The following DEPTOR variants were observed in gnomAD, a reference collection of about 807,000 sequenced individuals.
DEPTOR encodes the protein DEP domain-containing mTOR-interacting protein.
DEPTOR carries 41 observed loss-of-function variants against 41.6 expected under a neutral mutation model. That is an observed-to-expected ratio of 0.98 (90% confidence interval 0.77 to 1.28). The LOEUF is 1.28. Ranked by LOEUF, DEPTOR falls within the 50% of genes most tolerant of loss-of-function variation. DEPTOR has a pLI of 0.00. For missense variants in DEPTOR, 514 were observed against 527.9 expected, an observed-to-expected ratio of 0.97 and a Z score of 0.26; for synonymous variants, 195 against 192.3, an observed-to-expected ratio of 1.01 and a Z score of -0.12.
chr8:119,885,456 C>T (rs1827352029), intron 1 of DEPTOR, among the ~76,000 whole-genome samples: 3 of 152,132 alleles, frequency 2.0e-5, no homozygotes, highest in Admixed American at 2.0e-4. Flanking sequence ...CATTTTCCCT[C>T]ACATTGCCAA....
chr8:119,889,451 G>T (rs953522036), intron 1 of DEPTOR, among the ~76,000 whole-genome samples: 4 of 151,114 alleles, frequency 2.6e-5, no homozygotes, highest in African/African-American at 9.8e-5. Context: ...GGAGGCTAAG[G>T]TGGGAGGATC....
chr8:119,896,698 A>G (rs917776573), intron 1 of DEPTOR, among the ~76,000 whole-genome samples: 2 of 151,976 alleles, frequency 1.3e-5, no homozygotes, highest in Admixed American at 6.6e-5. Context: ...AGGTTTCATC[A>G]TGTTGGCCAG....
intron 8 of DEPTOR, among the ~76,000 whole-genome samples, chr8:120,036,969 C>G (rs1376881567): frequency 6.6e-6 from 1 of 152,162 alleles, no homozygotes; most frequent in African/African-American, 2.4e-5. Flanking sequence ...CTCTCTCATA[C>G]CTTGTGTTGG....
chr8:119,987,107 G>A (rs1357168233), intron 4 of DEPTOR, among the ~76,000 whole-genome samples: 1 of 151,898 alleles, frequency 6.6e-6, no homozygotes, highest in Non-Finnish European at 1.5e-5. Flanking sequence ...GAGGAGAAGG[G>A]GCATTCTGGT....
chr8:119,948,880 C>G (rs1375499547), intron 3 of DEPTOR, among the ~76,000 whole-genome samples: 1 of 152,116 alleles, frequency 6.6e-6, no homozygotes, highest in Non-Finnish European at 1.5e-5. Context: ...CTCCACCTCC[C>G]AGGTTCAAGC....
chr8:119,906,640 C>T (rs1292707255), intron 1 of DEPTOR, among the ~76,000 whole-genome samples: 3 of 152,156 alleles, frequency 2.0e-5, no homozygotes, highest in Non-Finnish European at 2.9e-5. Flanking sequence ...CATTACTAGG[C>T]ACCCAATAAA....
chr8:119,962,681 A>C (rs1457988432), intron 3 of DEPTOR, among the ~76,000 whole-genome samples: 1 of 152,220 alleles, frequency 6.6e-6, no homozygotes, highest in Non-Finnish European at 1.5e-5. Context: ...AAGATAATTT[A>C]ATAGCTATGT....
chr8:119,988,980 T>TTTTTTTTTTTA (rs1828865861), intron 4 of DEPTOR, among the ~76,000 whole-genome samples: 1 of 134,286 alleles, frequency 7.4e-6, no homozygotes. Context: ...TTTTTTTTTT[T>TTTTTTTTTTTA]AATAGAGATG....
intron 4 of DEPTOR, among the ~76,000 whole-genome samples, chr8:119,972,650 T>C (rs985572982): frequency 6.7e-6 from 1 of 148,382 alleles, no homozygotes; most frequent in African/African-American, 2.5e-5. Flanking sequence ...AAAAAAGTAA[T>C]GTGCTGAAGA....
At chr8:120,034,837 CG>C (rs1812954744) in intron 8 of DEPTOR, among the ~76,000 whole-genome samples, 1 of 151,582 alleles carries the variant, frequency 6.6e-6, no homozygotes, top group Admixed American at 6.6e-5. Flanking sequence ...TGGCATAATC[CG>C]GAAAAAAGAA....
At chr8:120,013,461 A>G (rs1172170404) in intron 8 of DEPTOR, among the ~76,000 whole-genome samples, 1 of 152,212 alleles carries the variant, frequency 6.6e-6, no homozygotes, top group Non-Finnish European at 1.5e-5. Flanking sequence ...CTATTCGTAA[A>G]GGCTTGTTCC....
chr8:119,935,698 G>A (rs1423448472), intron 3 of DEPTOR, among the ~76,000 whole-genome samples: 1 of 150,312 alleles, frequency 6.7e-6, no homozygotes, highest in Non-Finnish European at 1.5e-5. Context: ...TCTAGCCTGG[G>A]CAGCAGAGCA....
intron 1 of DEPTOR, among the ~76,000 whole-genome samples, chr8:119,914,645 G>A (rs1827789982): frequency 6.6e-6 from 1 of 152,100 alleles, no homozygotes; most frequent in Admixed American, 6.5e-5. Flanking sequence ...TCACCATGTT[G>A]GCCAGGCTGG....
chr8:120,035,851 A>G (rs1812972347), intron 8 of DEPTOR, among the ~76,000 whole-genome samples: 1 of 152,200 alleles, frequency 6.6e-6, no homozygotes, highest in Non-Finnish European at 1.5e-5. Flanking sequence ...AACACTTCTT[A>G]TAACGTTCAG....
At chr8:119,981,745 G>A (rs1316215721) in intron 4 of DEPTOR, among the ~76,000 whole-genome samples, 1 of 150,378 alleles carries the variant, frequency 6.6e-6, no homozygotes, top group Non-Finnish European at 1.5e-5. Flanking sequence ...GGCTGGGCGT[G>A]ATGGCTCATG....
intron 4 of DEPTOR, among the ~76,000 whole-genome samples, chr8:119,991,142 G>A (rs1010631029): frequency 9.0e-5 from 12 of 132,676 alleles, no homozygotes; most frequent in Admixed American, 5.7e-4. Context: ...TTTTATTCTT[G>A]GTTTGGGGGT....
chr8:119,917,776 G>A (rs145318375), intron 1 of DEPTOR, among the ~76,000 whole-genome samples: 33,334 of 152,080 alleles, frequency 0.22, 4,225 homozygotes, highest in African/African-American at 0.33. Context: ...AGTTGAGACA[G>A]GAGGAAGGTA....
At chr8:119,921,560 T>TC (rs965411876) in intron 1 of DEPTOR, among the ~76,000 whole-genome samples, 28 of 152,018 alleles carry the variant, frequency 1.8e-4, no homozygotes, top group East Asian at 7.8e-4. Context: ...CAAAATTATT[T>TC]CCCCCCCATC....
chr8:119,923,683 A>G (rs1052611729), intron 1 of DEPTOR, among the ~76,000 whole-genome samples: 4 of 151,740 alleles, frequency 2.6e-5, no homozygotes, highest in Admixed American at 6.6e-5. Context: ...TCCAAGATCT[A>G]TATCTCCCTC....
Sources: gnomAD v4.1 joint callset for allele counts (sites outside exome capture counted in the v4.1 genomes callset) on GRCh38, gnomAD v4.1.1 for gene constraint, MANE v1.5 for transcripts, NCBI Gene and HGNC (gene_info 2026-07-23, HGNC 2026-07-21) for gene names.